CFAP20DC: variants seen among roughly 807,000 people sequenced by gnomAD.
The protein encoded by CFAP20DC is protein CFAP20DC.
Under a neutral mutation model 101.7 loss-of-function variants are expected in CFAP20DC, and 84 were observed. That is an observed-to-expected ratio of 0.83 (90% confidence interval 0.69 to 0.99). The LOEUF is 0.99. Among genes scored for constraint, CFAP20DC ranks in the 50% least tolerant of loss-of-function variants. The pLI is 0.00. For synonymous variants in CFAP20DC, 359 were observed against 351.2 expected, an observed-to-expected ratio of 1.02 and a Z score of -0.25; for missense variants, 1,007 against 970.3, an observed-to-expected ratio of 1.04 and a Z score of -0.50.
Position 58,968,270 on chromosome 3 carries a change from C to G in CFAP20DC, c.279-30508G>C, listed in dbSNP as rs145753718. Reference sequence around the variant, plus strand: ...TCAAATGGTAGTTCTGCTTTTAGCTCTTTGAGGAATCACCATACTGCTTTC... The same window carrying G: ...TCAAATGGTAGTTCTGCTTTTAGCTGTTTGAGGAATCACCATACTGCTTTC... On this transcript the variant is annotated intron_variant, in intron 4 of 16. Coordinates refer to ENST00000482387, the MANE Select transcript of CFAP20DC (RefSeq NM_001394063.1). 2.9e-3 allele frequency among the ~76,000 whole-genome samples: 438 copies of G among 152,222 alleles called. 1 individual carries two copies. Among genetic ancestry groups the G allele is most frequent in the African/African-American group, 0.01 (420 of 41,534 alleles).
At chr3:58,738,233 G>A (rs941605486), downstream of CFAP20DC, among the ~76,000 whole-genome samples, 1 of 152,008 alleles carries the variant, frequency 6.6e-6, no homozygotes, top group African/African-American at 2.4e-5. This position sits in a 1 kb window ranked among gnomAD's most constrained non-coding sequence, Gnocchi z 4.4. Context: ...GTGCAGGTTT[G>A]TTATGTAGGT....
chr3:58,987,083 C>A (rs556750202), intron 4 of CFAP20DC, among the ~76,000 whole-genome samples: 24 of 151,968 alleles, frequency 1.6e-4, no homozygotes, highest in African/African-American at 4.8e-4. Context: ...ACATATTAAA[C>A]AGAGCTAAAA....
chr3:59,038,683 T>C (rs1411093880), intron 4 of CFAP20DC, among the ~76,000 whole-genome samples: 4 of 152,158 alleles, frequency 2.6e-5, no homozygotes, highest in Non-Finnish European at 5.9e-5. Context: ...ATCTTTCATG[T>C]TGTAATTGTT....
At position 58,869,253 on chromosome 3, in the gene CFAP20DC, T is replaced by G; in HGVS notation, c.1015+75A>C. On this transcript the variant is annotated intron_variant, in intron 9 of 16. Transcript: ENST00000482387. This position sits in a 1 kb window ranked among gnomAD's most constrained non-coding sequence, Gnocchi z 4.3. ...CTTAAGATCTAGACTTGAATATAAC[T>G]GCTGATTTATCTTAACAAGAACATT... 1 of 1,198,668 alleles carries G rather than the reference T, an allele frequency of 8.3e-7. No individual in the cohort carries two copies. The allele number at this position is 1,198,668 out of a possible 1,614,324, so 74.3% of individuals were successfully genotyped here.
At chr3:58,890,759 G>A (rs577503201) in intron 6 of CFAP20DC, among the ~76,000 whole-genome samples, 2,560 of 150,928 alleles carry the variant, frequency 0.017, 65 homozygotes, top group African/African-American at 0.058. Flanking sequence ...GTTGCGGCCG[G>A]GCAGAGGCGC....
At chr3:58,890,125 G>T (rs1238352303) in intron 6 of CFAP20DC, among the ~76,000 whole-genome samples, 1 of 151,068 alleles carries the variant, frequency 6.6e-6, no homozygotes, top group Non-Finnish European at 1.5e-5. Flanking sequence ...CCCAGTAGGG[G>T]CGGCCGGGCA....
chr3:59,011,248 AT>A (rs1488442928), intron 4 of CFAP20DC, among the ~76,000 whole-genome samples: 2 of 152,108 alleles, frequency 1.3e-5, no homozygotes, highest in Non-Finnish European at 2.9e-5. Context: ...AAATACAAAA[AT>A]TAGCTGGGCA....
chr3:58,798,493 T>C lies in CFAP20DC; in HGVS notation c.2237+7902A>G, dbSNP rs115609216. On this transcript the variant is annotated intron_variant, in intron 15 of 16. Coordinates refer to ENST00000482387, the MANE Select transcript of CFAP20DC (RefSeq NM_001394063.1). ...ATGGTAAGCAAAGAAAGTGGTTTCT[T>C]GAAATGAATCAACTCCTGGTGAAGA... 2.1e-3 allele frequency among the ~76,000 whole-genome samples: 315 copies of C among 152,336 alleles called. 2 individuals carry two copies. The highest frequency in any genetic ancestry group is 7.4e-3 in the African/African-American group (307 of 41,582).
intron 4 of CFAP20DC, among the ~76,000 whole-genome samples, chr3:58,957,815 G>C (rs1407046641): frequency 1.3e-5 from 2 of 152,148 alleles, no homozygotes; most frequent in African/African-American, 4.8e-5. Context: ...TGAACTCATG[G>C]AGACAGAGTA....
At chr3:59,008,914 C>T (rs186075456) in intron 4 of CFAP20DC, among the ~76,000 whole-genome samples, 7 of 151,494 alleles carry the variant, frequency 4.6e-5, no homozygotes, top group African/African-American at 1.7e-4. Flanking sequence ...AAAGTGTACA[C>T]CATGAGAGAA....
intron 13 of CFAP20DC, among the ~76,000 whole-genome samples, chr3:58,837,535 A>G (rs573820663): frequency 1.3e-5 from 2 of 152,266 alleles, no homozygotes; most frequent in South Asian, 4.1e-4. Context: ...AAATGGTTGC[A>G]TGGGTGTGTT....
intron 15 of CFAP20DC, among the ~76,000 whole-genome samples, chr3:58,780,567 C>A (rs2071739083): frequency 6.6e-6 from 1 of 150,934 alleles, no homozygotes; most frequent in African/African-American, 2.4e-5. Context: ...TGTAAAGAAA[C>A]ATATAGACTG....
At position 58,859,964 on chromosome 3, in the gene CFAP20DC, G is replaced by C. The variant is rs1343924012; in HGVS notation, c.1593+3594C>G. Reference sequence around the variant, plus strand: ...GAAGCCGAGGCAGGCAGATCACGAGGTCAGGAGATCGAGACCATCCTGGCC... The same window carrying C: ...GAAGCCGAGGCAGGCAGATCACGAGCTCAGGAGATCGAGACCATCCTGGCC... On this transcript the variant is annotated intron_variant, in intron 12 of 16. Transcript: ENST00000482387. The surrounding 1 kb of genome is among the most constrained non-coding windows in gnomAD (Gnocchi z 4.1). Among the ~76,000 whole-genome samples the C allele has an allele frequency of 6.6e-6, 1 of 152,014 alleles. No individual in the cohort carries two copies. The highest frequency in any genetic ancestry group is 1.5e-5 in the Non-Finnish European group (1 of 68,000).
intron 16 of CFAP20DC, among the ~76,000 whole-genome samples, chr3:58,751,045 A>C (rs1242371657): frequency 1.3e-5 from 2 of 152,118 alleles, no homozygotes; most frequent in African/African-American, 2.4e-5. Flanking sequence ...CTTGTAATAA[A>C]AAAAAGGACG....
intron 12 of CFAP20DC, among the ~76,000 whole-genome samples, chr3:58,850,668 T>C (rs946543445): frequency 6.8e-6 from 1 of 148,144 alleles, no homozygotes; most frequent in African/African-American, 2.5e-5. Flanking sequence ...GGATGTGAAA[T>C]GATAAACTTA....
At chr3:59,043,284 C>A (rs940498676) in intron 3 of CFAP20DC, among the ~76,000 whole-genome samples, 10 of 151,922 alleles carry the variant, frequency 6.6e-5, no homozygotes, top group African/African-American at 2.4e-4. Flanking sequence ...CAAAAGGAGG[C>A]TAAGAAAGAA....
Position 58,795,811 on chromosome 3 carries a change from A to T in CFAP20DC, c.2237+10584T>A, listed in dbSNP as rs1023192878. 1.3e-5 allele frequency among the ~76,000 whole-genome samples: 2 copies of T among 152,214 alleles called. No homozygotes were observed. The highest frequency in any genetic ancestry group is 2.9e-5 in the Non-Finnish European group (2 of 68,046). On this transcript the variant is annotated intron_variant, in intron 15 of 16. Transcript: ENST00000482387. This position sits in a 1 kb window ranked among gnomAD's most constrained non-coding sequence, Gnocchi z 4.2. ...GAAAACATGACAATAACTGAAAATT[A>T]ATTAGTATTTCCCAGTCTTAATGCC...
intron 15 of CFAP20DC, among the ~76,000 whole-genome samples, chr3:58,777,946 A>G (rs1575613846): frequency 6.6e-6 from 1 of 152,110 alleles, no homozygotes; most frequent in South Asian, 2.1e-4. Context: ...CCCTCACTAA[A>G]CTGTGTCCTA....
intron 4 of CFAP20DC, among the ~76,000 whole-genome samples, chr3:59,032,097 G>C (rs574681008): frequency 6.6e-6 from 1 of 152,132 alleles, no homozygotes; most frequent in Non-Finnish European, 1.5e-5. Context: ...ACAAGGGTTC[G>C]GGGAACTCCT....
Sources: allele counts gnomAD v4.1 joint callset (sites outside exome capture counted in the v4.1 genomes callset), GRCh38; gene constraint gnomAD v4.1.1; non-coding constraint Gnocchi (gnomAD v3.1); transcripts MANE v1.5; gene names NCBI Gene and HGNC (gene_info 2026-07-23, HGNC 2026-07-21).